CTNNA2: variants seen among roughly 807,000 people sequenced by gnomAD.
CTNNA2 encodes catenin alpha 2.
CTNNA2 carries 42 observed loss-of-function variants against 101.0 expected under a neutral mutation model. The ratio of observed to expected loss-of-function variants is 0.42; its 90% CI spans 0.32 to 0.54. The LOEUF is 0.54. Ranked by LOEUF, CTNNA2 falls within the 20% of genes least tolerant of loss-of-function variation. The probability of loss-of-function intolerance (pLI) is 0.14; values close to 1 mark genes in which losing one functional copy is unlikely to be tolerated. For synonymous variants in CTNNA2, 450 were observed against 456.4 expected, an observed-to-expected ratio of 0.99 and a Z score of 0.18; for missense variants, 871 against 1,223.1, an observed-to-expected ratio of 0.71 and a Z score of 4.29.
At chr2:79,322,266 A>G (rs1008408616) in intron 3 of CTNNA2, among the ~76,000 whole-genome samples, 1 of 152,206 alleles carries the variant, frequency 6.6e-6, no homozygotes, top group Non-Finnish European at 1.5e-5. Flanking sequence ...ATAGTCTCTT[A>G]GGTGATATAG....
chr2:80,527,064 CAGG>C lies in CTNNA2; in HGVS notation c.1291-17915_1291-17913del, dbSNP rs1690106597. Among the ~76,000 whole-genome samples, 3 of 152,160 alleles carry C rather than the reference CAGG, an allele frequency of 2.0e-5. No homozygotes were observed. In the South Asian group the frequency reaches 6.2e-4, roughly 31 times the overall value. ...AGTTGATGGCACCACCCTGAGTGCT[CAGG>C]AGAATGTGCTTTTTGTGTCAAAACA... On this transcript the variant is annotated intron_variant, in intron 9 of 18. Transcript: ENST00000402739.
At chr2:79,616,054 C>T (rs1678595857) in intron 1 of CTNNA2, among the ~76,000 whole-genome samples, 1 of 152,148 alleles carries the variant, frequency 6.6e-6, no homozygotes, top group Admixed American at 6.6e-5. Context: ...TTTCATGCAA[C>T]ACCAGCATTA....
At chr2:80,070,611 G>A (rs1030460346) in intron 7 of CTNNA2, among the ~76,000 whole-genome samples, 1 of 152,026 alleles carries the variant, frequency 6.6e-6, no homozygotes, top group African/African-American at 2.4e-5. Context: ...AAACTACTTG[G>A]GAGGCTCAGG....
At chr2:80,429,684 G>A (rs1156961527) in intron 9 of CTNNA2, among the ~76,000 whole-genome samples, 2 of 152,158 alleles carry the variant, frequency 1.3e-5, no homozygotes, top group Non-Finnish European at 2.9e-5. Flanking sequence ...ACATATTACT[G>A]CAGAAGAATT....
In CTNNA2 at chr2:80,303,742, C is replaced by A; in HGVS notation, c.1057-89469C>A. The A allele has an allele frequency of 1.9e-6, 3 of 1,596,560 alleles. No homozygotes were observed. Among genetic ancestry groups the A allele is most frequent in the Non-Finnish European group, 2.6e-6 (3 of 1,171,854 alleles). ...CGGCGGGCAGCATCTGAAAGCAGGC[C>A]CCCAGCAGACACAAGACCACCCCCG... is the stretch of plus-strand genomic sequence containing the variant. On this transcript the variant is annotated intron_variant, in intron 7 of 18. Transcript: ENST00000402739. The surrounding 1 kb of genome is among the most constrained non-coding windows in gnomAD (Gnocchi z 7.7).
intron 3 of CTNNA2, among the ~76,000 whole-genome samples, chr2:79,369,736 A>G (rs1042258940): frequency 1.3e-5 from 2 of 152,072 alleles, no homozygotes; most frequent in Admixed American, 6.5e-5. Context: ...CCCTTTGCCC[A>G]TATTGCTCCC....
intron 8 of CTNNA2, among the ~76,000 whole-genome samples, chr2:80,412,657 G>A (rs1679688566): frequency 6.6e-6 from 1 of 151,914 alleles, no homozygotes; most frequent in Non-Finnish European, 1.5e-5. Context: ...GTACCTCAGG[G>A]GCATACAGCA....
intron 3 of CTNNA2, among the ~76,000 whole-genome samples, chr2:79,367,983 C>G (rs867311140): frequency 2.0e-5 from 3 of 152,214 alleles, no homozygotes; most frequent in Middle Eastern, 6.8e-3. Context: ...ATGCAATACT[C>G]CATGTAAATC....
In CTNNA2 at chr2:79,350,061, G is replaced by A. The variant is rs187115111; in HGVS notation, c.-317-23770G>A. Among the ~76,000 whole-genome samples, 230 of 115,762 alleles carry A rather than the reference G, an allele frequency of 2.0e-3. 3 individuals carry two copies. The highest frequency in any genetic ancestry group is 6.6e-3 in the African/African-American group (188 of 28,574). 75.9% of individuals were successfully genotyped at this position (115,762 alleles called of 152,430 possible). On this transcript the variant is annotated intron_variant, in intron 3 of 21. Transcript: ENST00000466387. The stretch of plus-strand genomic sequence containing the variant: ...TGCACTCCAGCCTGGACGACAGAGC[G>A]AGACTCCTTCTCAAAAAAAAAAAAA...
chr2:79,860,858 C>A (rs902567484), intron 4 of CTNNA2, among the ~76,000 whole-genome samples: 7 of 152,112 alleles, frequency 4.6e-5, no homozygotes, highest in Admixed American at 2.6e-4. Flanking sequence ...TAGTTCTACT[C>A]AGTAGTAGGG....
At chr2:79,512,903 AG>A (rs1193457115), upstream of CTNNA2, 1 of 149,520 alleles carries the variant, frequency 6.7e-6, no homozygotes, top group Non-Finnish European at 1.5e-5. Context: ...CGAGCGAGCA[AG>A]CGGCCGCGCA....
intron 18 of CTNNA2, among the ~76,000 whole-genome samples, chr2:80,624,849 A>G (rs1054786917): frequency 6.6e-6 from 1 of 151,906 alleles, no homozygotes; most frequent in Non-Finnish European, 1.5e-5. Context: ...GGATATATGT[A>G]TCTATATCTA....
intron 2 of CTNNA2, among the ~76,000 whole-genome samples, chr2:79,306,340 T>C (rs1244417463): frequency 1.3e-5 from 2 of 152,128 alleles, no homozygotes; most frequent in Non-Finnish European, 2.9e-5. Context: ...TATTTGAAAA[T>C]TACTAAATAG....
intron 1 of CTNNA2, among the ~76,000 whole-genome samples, chr2:79,622,335 T>C (rs552777307): frequency 3.3e-5 from 5 of 152,176 alleles, no homozygotes; most frequent in Non-Finnish European, 7.3e-5. Context: ...GCTGAAAATT[T>C]TCAATCCTTT....
Position 79,554,044 on chromosome 2 carries a change from T to A in CTNNA2, c.-6+40837T>A, listed in dbSNP as rs537942993. Among the ~76,000 whole-genome samples, 6 of 152,292 alleles carry A rather than the reference T, an allele frequency of 3.9e-5. No individual in the cohort carries two copies. In the South Asian group the frequency reaches 1.2e-3, roughly 32 times the overall value. Reference sequence around the variant, plus strand: ...TTTTCCTTTCACACTACAAATAGATTTGGGCTGTTGAAGGGTTACATCTGA... The same window carrying A: ...TTTTCCTTTCACACTACAAATAGATATGGGCTGTTGAAGGGTTACATCTGA... On this transcript the variant is annotated intron_variant, in intron 1 of 18. Coordinates refer to ENST00000402739, the MANE Select transcript of CTNNA2 (RefSeq NM_001282597.3).
intron 7 of CTNNA2, among the ~76,000 whole-genome samples, chr2:80,291,697 C>T (rs1251071654): frequency 6.6e-6 from 1 of 152,148 alleles, no homozygotes; most frequent in Non-Finnish European, 1.5e-5. Flanking sequence ...AGCAGTTTTT[C>T]ACCTCCAGGA....
intron 4 of CTNNA2, among the ~76,000 whole-genome samples, chr2:79,392,020 A>G (rs995915537): frequency 2.0e-5 from 3 of 152,118 alleles, no homozygotes; most frequent in Admixed American, 6.6e-5. Context: ...CACCAGTCCA[A>G]TTGGATTAGG....
At chr2:79,268,100 T>C (rs1194572904) in intron 2 of CTNNA2, among the ~76,000 whole-genome samples, 1 of 152,056 alleles carries the variant, frequency 6.6e-6, no homozygotes, top group Non-Finnish European at 1.5e-5. Flanking sequence ...ATGGTGGCTG[T>C]CCCCTGTAGG....
intron 4 of CTNNA2, 45 bp from the exon 5 acceptor site, chr2:79,869,771 T>G: frequency 6.3e-7 from 1 of 1,592,584 alleles, no homozygotes; most frequent in Non-Finnish European, 8.5e-7. Context: ...TGAATAATAT[T>G]TAAATACTAT....
Sources: gnomAD v4.1 joint callset for allele counts (sites outside exome capture counted in the v4.1 genomes callset) on GRCh38, gnomAD v4.1.1 for gene constraint, Gnocchi (gnomAD v3.1) non-coding constraint, MANE v1.5 for transcripts, NCBI Gene and HGNC (gene_info 2026-07-23, HGNC 2026-07-21) for gene names.